Variants in TSHZ2 observed in about 807,000 individuals in gnomAD.
The protein encoded by TSHZ2 is teashirt zinc finger homeobox 2.
In TSHZ2, 21 loss-of-function variants were observed where a neutral mutation model predicts 74.4. The ratio of observed to expected loss-of-function variants is 0.28; its 90% CI spans 0.20 to 0.41. TSHZ2 has a LOEUF of 0.41. Ranked by LOEUF, TSHZ2 falls within the 10% of genes least tolerant of loss-of-function variation. TSHZ2 has a pLI of 1.00. For missense variants in TSHZ2, 1,244 were observed against 1,293.5 expected (o/e 0.96, Z 0.59); for synonymous variants, 540 against 515.3 (o/e 1.05, Z -0.65).
At chr20:53,059,366 G>A (rs1984746933) in intron 1 of TSHZ2, among the ~76,000 whole-genome samples, 1 of 152,112 alleles carries the variant, frequency 6.6e-6, no homozygotes, top group Non-Finnish European at 1.5e-5. Context: ...TATGCATTTA[G>A]TTCTATTGCA....
chr20:53,363,923 G>A (rs1411682313), intron 2 of TSHZ2, among the ~76,000 whole-genome samples: 1 of 152,150 alleles, frequency 6.6e-6, no homozygotes, highest in African/African-American at 2.4e-5. Context: ...TCTATATCAC[G>A]TACTGGGCAT....
chr20:53,275,452 A>G (rs1210051773), intron 2 of TSHZ2, among the ~76,000 whole-genome samples: 2 of 152,068 alleles, frequency 1.3e-5, no homozygotes, highest in Non-Finnish European at 2.9e-5. Flanking sequence ...TCTATAATAC[A>G]TGGCATTAAC....
chr20:53,292,202 T>C (rs1408866952), intron 2 of TSHZ2, among the ~76,000 whole-genome samples: 2 of 152,150 alleles, frequency 1.3e-5, no homozygotes, highest in Non-Finnish European at 2.9e-5. Context: ...CCACATGTTT[T>C]CTATACCAAA....
intron 2 of TSHZ2, among the ~76,000 whole-genome samples, chr20:53,367,357 T>A (rs1287009272): frequency 6.6e-6 from 1 of 151,682 alleles, no homozygotes; most frequent in Non-Finnish European, 1.5e-5. Flanking sequence ...TGAGCCGAGA[T>A]CAGGCCACTG....
chr20:53,361,800 G>A (rs1183699106), intron 2 of TSHZ2, among the ~76,000 whole-genome samples: 1 of 152,210 alleles, frequency 6.6e-6, no homozygotes, highest in Non-Finnish European at 1.5e-5. Flanking sequence ...TCAATGTCCA[G>A]TAGACATTCA....
At chr20:53,147,951 C>T (rs1034877452) in intron 1 of TSHZ2, among the ~76,000 whole-genome samples, 7 of 152,054 alleles carry the variant, frequency 4.6e-5, no homozygotes, top group East Asian at 1.9e-4. Context: ...CCTGACCTTG[C>T]GATCTGCCCG....
intron 1 of TSHZ2, among the ~76,000 whole-genome samples, chr20:53,219,742 A>G (rs1380582458): frequency 1.3e-5 from 2 of 152,224 alleles, no homozygotes; most frequent in East Asian, 3.8e-4. Context: ...AATGCATTCC[A>G]GTATTACTAG....
intron 1 of TSHZ2, among the ~76,000 whole-genome samples, chr20:53,155,135 C>T (rs1213334271): frequency 7.0e-6 from 1 of 143,574 alleles, no homozygotes; most frequent in Non-Finnish European, 1.5e-5. Flanking sequence ...TTCCTGAGTG[C>T]TTCCATGAGG....
intron 1 of TSHZ2, among the ~76,000 whole-genome samples, chr20:53,238,836 TA>T (rs746136673): frequency 0.25 from 16,469 of 66,158 alleles, 1,066 homozygotes; most frequent in African/African-American, 0.31. Flanking sequence ...ATCTTATATC[TA>T]AAAAAAAAAA....
intron 1 of TSHZ2, among the ~76,000 whole-genome samples, chr20:53,237,750 G>A (rs979383961): frequency 1.3e-5 from 2 of 152,062 alleles, no homozygotes; most frequent in African/African-American, 4.8e-5. Context: ...TTACTCAACC[G>A]ACTGTGTATA....
At chr20:53,205,574 C>T (rs1356451324) in intron 1 of TSHZ2, among the ~76,000 whole-genome samples, 1 of 152,098 alleles carries the variant, frequency 6.6e-6, no homozygotes, top group Non-Finnish European at 1.5e-5. Flanking sequence ...AATATGCAGC[C>T]GCACTGTCCA....
intron 1 of TSHZ2, among the ~76,000 whole-genome samples, chr20:53,095,618 C>T (rs1011978751): frequency 3.9e-5 from 6 of 152,212 alleles, no homozygotes; most frequent in African/African-American, 1.4e-4. Context: ...TTTTCCATTT[C>T]ACCTTCTACT....
intron 1 of TSHZ2, among the ~76,000 whole-genome samples, chr20:53,232,930 A>G (rs1989861437): frequency 6.6e-6 from 1 of 152,216 alleles, no homozygotes; most frequent in African/African-American, 2.4e-5. Context: ...TAATTAAGCC[A>G]TGACACACTG....
intron 2 of TSHZ2, among the ~76,000 whole-genome samples, chr20:53,307,691 T>C (rs1978602339): frequency 6.6e-6 from 1 of 152,218 alleles, no homozygotes; most frequent in Non-Finnish European, 1.5e-5. Context: ...TAAAGTTCAA[T>C]GGATTTTACA....
At chr20:53,015,153 T>C (rs942767599) in intron 1 of TSHZ2, among the ~76,000 whole-genome samples, 2 of 152,200 alleles carry the variant, frequency 1.3e-5, no homozygotes, top group East Asian at 3.9e-4. Context: ...CTCCTCATCA[T>C]TGTCACTGTC....
chr20:53,213,759 T>C (rs963359312), intron 1 of TSHZ2, among the ~76,000 whole-genome samples: 16 of 152,026 alleles, frequency 1.1e-4, no homozygotes, highest in African/African-American at 3.9e-4. Flanking sequence ...ATGGTTGCTC[T>C]TCACACTTGA....
intron 2 of TSHZ2, among the ~76,000 whole-genome samples, chr20:53,387,165 G>A (rs1982078093): frequency 6.6e-6 from 1 of 152,096 alleles, no homozygotes; most frequent in South Asian, 2.1e-4. Flanking sequence ...AGATCCCAAA[G>A]CCAATTCCCG....
At chr20:53,365,762 A>C (rs1981236561) in intron 2 of TSHZ2, among the ~76,000 whole-genome samples, 2 of 152,036 alleles carry the variant, frequency 1.3e-5, no homozygotes. Context: ...ACTACTTCCA[A>C]ACCTTGGTCT....
chr20:53,250,026 C>G (rs975883430), intron 1 of TSHZ2, among the ~76,000 whole-genome samples: 9 of 152,110 alleles, frequency 5.9e-5, no homozygotes, highest in African/African-American at 2.2e-4. Context: ...GTCAGTAGTT[C>G]AGTCAAAGAA....
Sources: gnomAD v4.1 joint callset for allele counts (sites outside exome capture counted in the v4.1 genomes callset) on GRCh38, gnomAD v4.1.1 for gene constraint, MANE v1.5 for transcripts, NCBI Gene and HGNC (gene_info 2026-07-23, HGNC 2026-07-21) for gene names.